CNTLN: variants seen among roughly 807,000 people sequenced by gnomAD.
CNTLN encodes the protein centlein, also known as centlein, centrosomal protein.
In CNTLN, 212 loss-of-function variants were observed where a neutral mutation model predicts 180.0. That is an observed-to-expected ratio of 1.18 (90% CI 1.05 to 1.32). The LOEUF (loss-of-function observed/expected upper bound fraction) is 1.32. CNTLN is among the 40% of genes most tolerant of loss of function. The pLI, the probability that CNTLN is intolerant of heterozygous loss-of-function variation, is 0.00. For synonymous variants in CNTLN, 722 were observed against 563.1 expected (o/e 1.28, Z -3.99); for missense variants, 2,095 against 1,610.9 (o/e 1.30, Z -5.14).
At chr9:17,306,865 A>C (rs74557054) in intron 7 of CNTLN, among the ~76,000 whole-genome samples, 6 of 152,160 alleles carry the variant, frequency 3.9e-5, no homozygotes, top group African/African-American at 1.4e-4. Context: ...ATATTCATTG[A>C]AAAAATGACT....
chr9:17,312,369 T>TATTATATATATATATATATA lies in CNTLN; in HGVS notation c.1341+3119_1341+3120insTATATATATATATATATAAT, dbSNP rs1819234266. On this transcript the variant is annotated intron_variant, in intron 8 of 25. Transcript: ENST00000380647. ...TATATATATATATATATATATTATA[T>TATTATATATATATATATATA]ATATATATATATATAATTTATTTAT... is the stretch of plus-strand genomic sequence containing the variant. Among the ~76,000 whole-genome samples, 31 of 34,344 alleles carry TATTATATATATATATATATA rather than the reference T, an allele frequency of 9.0e-4. No homozygotes were observed. In the East Asian group the frequency reaches 0.012, roughly 13 times the overall value. 22.5% of individuals were successfully genotyped at this position (34,344 alleles called of 152,430 possible).
rs777467148 is a variant in CNTLN, at chr9:17,416,064, G to T, written c.2989G>T (p.Val997Leu). The change falls in exon 18 of 26, where the codon GTA (valine) becomes TTA (leucine). Residue 997 changes from valine to leucine, a missense_variant. Transcript: ENST00000380647. ...RIISLQQQNS[V>L]LQNAKKTAEL... is the part of the protein sequence containing the mutation. Reference sequence around the variant, plus strand: ...TATATCCTTGCAACAACAAAACAGTGTACTTCAGAATGCCAAGAAAACAGC... The same window carrying T: ...TATATCCTTGCAACAACAAAACAGTTTACTTCAGAATGCCAAGAAAACAGC... 7 of 1,613,530 alleles carry T rather than the reference G, an allele frequency of 4.3e-6. 1 individual carries two copies. In the Admixed American group the frequency reaches 1.2e-4, roughly 27 times the overall value.
At chr9:17,334,951 A>T (rs1820903755) in intron 10 of CNTLN, among the ~76,000 whole-genome samples, 1 of 151,652 alleles carries the variant, frequency 6.6e-6, no homozygotes, top group African/African-American at 2.4e-5. Flanking sequence ...TTGGCAAGCT[A>T]GAGAGCCAGG....
chr9:17,402,253 A>T (rs1178334844), intron 15 of CNTLN, among the ~76,000 whole-genome samples: 1 of 151,916 alleles, frequency 6.6e-6, no homozygotes, highest in Non-Finnish European at 1.5e-5. Flanking sequence ...ATAGGAAGGC[A>T]TAGCCAAAAT....
intron 18 of CNTLN, among the ~76,000 whole-genome samples, chr9:17,439,071 A>T (rs1490917036): frequency 6.6e-6 from 1 of 152,172 alleles, no homozygotes; most frequent in Non-Finnish European, 1.5e-5. Flanking sequence ...GAGGAATTGG[A>T]GGATATAATT....
intron 5 of CNTLN, among the ~76,000 whole-genome samples, chr9:17,237,256 T>C (rs562523655): frequency 2.9e-5 from 4 of 136,600 alleles, no homozygotes; most frequent in South Asian, 2.5e-4. Context: ...TCTTTTCTTA[T>C]TAAATTACAT....
intron 2 of CNTLN, among the ~76,000 whole-genome samples, chr9:17,203,480 G>T (rs1292463518): frequency 6.6e-6 from 1 of 152,110 alleles, no homozygotes; most frequent in African/African-American, 2.4e-5. Flanking sequence ...TCATTCGTAG[G>T]TTTGGTCTTG....
chr9:17,517,508 A>G, the CNTLN span, among the ~76,000 whole-genome samples: 1 of 152,194 alleles, frequency 6.6e-6, no homozygotes, highest in African/African-American at 2.4e-5. Context: ...GCATGAGCCC[A>G]CATTCAATAC....
At chr9:17,448,546 T>G (rs1290767032) in intron 18 of CNTLN, 1 of 152,334 alleles carries the variant, frequency 6.6e-6, no homozygotes, top group African/African-American at 2.4e-5. Context: ...GTCCTCAGGC[T>G]TCCTTCTCCT....
chr9:17,291,959 G>A (rs1587526232), intron 6 of CNTLN, among the ~76,000 whole-genome samples: 1 of 152,112 alleles, frequency 6.6e-6, no homozygotes, highest in Non-Finnish European at 1.5e-5. Context: ...TCTATATTTA[G>A]TGCTTCCTTC....
At chr9:17,366,832 T>A (rs1020317799) in intron 13 of CNTLN, 115 bp downstream of exon 13, 4 of 612,154 alleles carry the variant, frequency 6.5e-6, no homozygotes, top group Non-Finnish European at 1.2e-5. Flanking sequence ...TTTCCAACAC[T>A]TTATTCATTG....
chr9:17,442,036 G>A (rs1261677822), intron 18 of CNTLN, among the ~76,000 whole-genome samples: 3 of 152,098 alleles, frequency 2.0e-5, no homozygotes, highest in Non-Finnish European at 4.4e-5. Context: ...TGTATAGGAA[G>A]GAAACTTTGA....
chr9:17,358,526 A>G (rs1023109273), intron 12 of CNTLN, among the ~76,000 whole-genome samples: 2 of 152,172 alleles, frequency 1.3e-5, no homozygotes, highest in Admixed American at 6.5e-5. Context: ...TGTATGTACT[A>G]CATATACACT....
At chr9:17,458,775 G>C (rs571036335) in intron 19 of CNTLN, among the ~76,000 whole-genome samples, 1 of 151,820 alleles carries the variant, frequency 6.6e-6, no homozygotes, top group African/African-American at 2.4e-5. Flanking sequence ...ATCTTCTTTA[G>C]TCAATTTATG....
At chr9:17,275,828 G>C (rs551732462) in intron 6 of CNTLN, among the ~76,000 whole-genome samples, 8 of 152,176 alleles carry the variant, frequency 5.3e-5, no homozygotes, top group African/African-American at 1.7e-4. Flanking sequence ...AATTCTAAGA[G>C]TTTGATTATA....
At chr9:17,164,311 CA>C (rs774854028) in intron 2 of CNTLN, among the ~76,000 whole-genome samples, 1,833 of 51,720 alleles carry the variant, frequency 0.035, 4 homozygotes, top group African/African-American at 0.083. Context: ...GACTCTGTCT[CA>C]AAAAAAAAAA....
chr9:17,237,951 C>A (rs1382853426), intron 5 of CNTLN, among the ~76,000 whole-genome samples: 1 of 151,884 alleles, frequency 6.6e-6, no homozygotes, highest in Admixed American at 6.6e-5. Context: ...TGCTTCTGTG[C>A]AGCATTAAAA....
At chr9:17,333,927 C>T (rs1476515290) in intron 10 of CNTLN, among the ~76,000 whole-genome samples, 2 of 152,166 alleles carry the variant, frequency 1.3e-5, no homozygotes, top group Non-Finnish European at 2.9e-5. Context: ...AGTTGCTATC[C>T]TTCAAGACCC....
intron 18 of CNTLN, among the ~76,000 whole-genome samples, chr9:17,440,783 G>T (rs1288471941): frequency 6.6e-6 from 1 of 152,168 alleles, no homozygotes; most frequent in African/African-American, 2.4e-5. Context: ...ACTAACATAT[G>T]TTACAATATG....
Sources: gnomAD v4.1 joint callset for allele counts (sites outside exome capture counted in the v4.1 genomes callset) on GRCh38, gnomAD v4.1.1 for gene constraint, MANE v1.5 for transcripts, NCBI Gene and HGNC (gene_info 2026-07-23, HGNC 2026-07-21) for gene names.